SCN3A: variants seen among roughly 807,000 people sequenced by gnomAD.
SCN3A encodes the protein sodium channel protein type 3 subunit alpha.
A neutral mutation model predicts 187.6 loss-of-function variants in SCN3A; 60 were observed. That is an observed-to-expected ratio of 0.32 (90% CI 0.26 to 0.40). The LOEUF is 0.40. Among genes scored for constraint, SCN3A ranks in the 10% least tolerant of loss-of-function variants. The probability of loss-of-function intolerance (pLI) is 1.00; values close to 1 mark genes in which losing one functional copy is unlikely to be tolerated. For missense variants in SCN3A, 1,601 were observed against 2,428.2 expected (o/e 0.66, Z 7.16); for synonymous variants, 788 against 829.2 (o/e 0.95, Z 0.85).
At chr2:165,109,648 A>G (rs1322265486) in intron 21 of SCN3A, among the ~76,000 whole-genome samples, 1 of 152,080 alleles carries the variant, frequency 6.6e-6, no homozygotes, top group Admixed American at 6.6e-5. Flanking sequence ...TTATTAAAAC[A>G]ACCTCCTAAT....
At position 165,130,032 on chromosome 2, in the gene SCN3A, A is replaced by G; in HGVS notation, c.2830T>C (p.Trp944Arg). ...ATACAGTCCCACATGGTCTCTATCC[A>G]CTCTCCACACAGCACGCGGAACACA... ...LIVFRVLCGE[W>R]IETMWDCMEV... is the part of the protein sequence containing the mutation. Residue 944 changes from tryptophan to arginine, a missense_variant, in exon 17 of 28, where the codon TGG becomes CGG. By Grantham distance (101) the Trp-to-Arg change is moderately radical. Around this residue, in one of 11 missense-constraint regions of SCN3A, gnomAD observed 91 missense variants for 207.0 expected, o/e 0.44. Transcript: ENST00000283254. The G allele has an allele frequency of 1.2e-6, 2 of 1,613,982 alleles. No homozygotes were observed. Among genetic ancestry groups the G allele is most frequent in the Non-Finnish European group, 1.7e-6 (2 of 1,179,994 alleles).
intron 1 of SCN3A, among the ~76,000 whole-genome samples, chr2:165,200,989 G>A (rs1001128888): frequency 6.6e-6 from 1 of 152,004 alleles, no homozygotes; most frequent in African/African-American, 2.4e-5. Flanking sequence ...CTGAGATTTA[G>A]GTTCAGTTAT....
At chr2:165,174,180 A>G (rs184365854) in intron 3 of SCN3A, among the ~76,000 whole-genome samples, 63 of 152,290 alleles carry the variant, frequency 4.1e-4, no homozygotes, top group Non-Finnish European at 7.4e-4. Context: ...AAGCCCTAGG[A>G]TTACAGGTGT....
chr2:165,099,915 A>G (rs1039936489), intron 22 of SCN3A, among the ~76,000 whole-genome samples: 4 of 152,194 alleles, frequency 2.6e-5, no homozygotes, highest in Admixed American at 2.6e-4. Flanking sequence ...CCTTTCATTC[A>G]TTGCCAGTAA....
In SCN3A at chr2:165,092,196, G is replaced by T; in HGVS notation, c.4807+58C>A. On this transcript the variant is annotated intron_variant, in intron 27 of 27. Transcript: ENST00000283254. This position sits in a 1 kb window ranked among gnomAD's most constrained non-coding sequence, Gnocchi z 4.2. ...TAATTTCCATGTTAATCAGCTAGAA[G>T]GTCCTGGGGCAACTGTTTCTCTGTA... The T allele has an allele frequency of 1.3e-6, 2 of 1,527,534 alleles. No individual in the cohort carries two copies. Among genetic ancestry groups the T allele is most frequent in the Non-Finnish European group, 1.8e-6 (2 of 1,101,798 alleles). 94.6% of individuals were successfully genotyped at this position (1,527,534 alleles called of 1,614,324 possible).
rs550981628 is a variant in SCN3A, at chr2:165,192,881, A to T, written c.-247-6134T>A. Among the ~76,000 whole-genome samples, 207 of 152,258 alleles carry T rather than the reference A, an allele frequency of 1.4e-3. 1 individual carries two copies. The highest frequency in any genetic ancestry group is 9.5e-3 in the South Asian group (46 of 4,830). ...CAGGGCATTATCAGATATATGGTGG[A>T]TACAATTGCCCAAACAAATCTTGCA... On this transcript the variant is annotated intron_variant, in intron 1 of 27. Coordinates refer to ENST00000283254, the MANE Select transcript of SCN3A (RefSeq NM_006922.4).
chr2:165,164,575 A>G (rs191805867), intron 5 of SCN3A, 55 bp from the exon 6 acceptor site: 1 of 1,588,808 alleles, frequency 6.3e-7, no homozygotes, highest in African/African-American at 1.3e-5. Context: ...GTTAAAATAA[A>G]TGTTTTCAAT....
intron 1 of SCN3A, among the ~76,000 whole-genome samples, chr2:165,194,061 C>T (rs1691780290): frequency 6.6e-6 from 1 of 152,038 alleles, no homozygotes; most frequent in South Asian, 2.1e-4. Flanking sequence ...ATGCAATATA[C>T]TAGAAAAACA....
At chr2:165,188,776 AC>A (rs1365286532) in intron 1 of SCN3A, among the ~76,000 whole-genome samples, 1 of 147,000 alleles carries the variant, frequency 6.8e-6, no homozygotes, top group Non-Finnish European at 1.5e-5. Flanking sequence ...AGCCTGTGTG[AC>A]AGAGCAAGAT....
At chr2:165,181,915 T>C (rs1488257552) in intron 2 of SCN3A, among the ~76,000 whole-genome samples, 2 of 152,200 alleles carry the variant, frequency 1.3e-5, no homozygotes, top group Non-Finnish European at 2.9e-5. Flanking sequence ...TGAATGAAAT[T>C]AATATGTACT....
intron 2 of SCN3A, 27 bp from the exon 3 acceptor site, chr2:165,176,471 A>T: frequency 4.4e-6 from 7 of 1,578,590 alleles, no homozygotes; most frequent in Non-Finnish European, 6.1e-6. Context: ...ATTGCACAAG[A>T]GTTAGGAAAG....
intron 5 of SCN3A, among the ~76,000 whole-genome samples, chr2:165,167,689 T>C (rs1230405334): frequency 6.6e-6 from 1 of 152,128 alleles, no homozygotes; most frequent in Non-Finnish European, 1.5e-5. Context: ...GAAATAATGT[T>C]GTTACGATAA....
chr2:165,196,158 A>C (rs1000163684), intron 1 of SCN3A, among the ~76,000 whole-genome samples: 5 of 151,818 alleles, frequency 3.3e-5, no homozygotes, highest in Admixed American at 1.3e-4. Context: ...TTTTCATTGC[A>C]GACTTCCCAA....
intron 12 of SCN3A, among the ~76,000 whole-genome samples, chr2:165,143,993 C>CAT (rs34534957): frequency 0.19 from 28,179 of 152,078 alleles, 2,677 homozygotes; most frequent in East Asian, 0.31. Context: ...GTACAACTAA[C>CAT]ATTATCTGTT....
At chr2:165,121,055 C>G (rs1550385) in intron 18 of SCN3A, among the ~76,000 whole-genome samples, 32,115 of 150,192 alleles carry the variant, frequency 0.21, 3,445 homozygotes, top group South Asian at 0.3. Context: ...TTCGTCTGAA[C>G]CAGCTTTAAT....
At chr2:165,103,584 T>TA (rs1325497583) in intron 21 of SCN3A, among the ~76,000 whole-genome samples, 1 of 152,162 alleles carries the variant, frequency 6.6e-6, no homozygotes, top group Non-Finnish European at 1.5e-5. Flanking sequence ...ATGTCTGTGA[T>TA]AGAGGTGTCA....
At chr2:165,197,016 G>A (rs188711442) in intron 1 of SCN3A, among the ~76,000 whole-genome samples, 149 of 152,166 alleles carry the variant, frequency 9.8e-4, no homozygotes, top group African/African-American at 3.5e-3. Flanking sequence ...TACATTGTTT[G>A]TATGGTTAGC....
In SCN3A at chr2:165,159,183, C is replaced by T. The variant is rs966422498; in HGVS notation, c.1031+3125G>A. ...CCTTGTTGTTTTAGTTTGCAATTCCCTAATGACAAATGATGTCGAGTGCCT... is the reference window on the plus strand; with the variant it reads ...CCTTGTTGTTTTAGTTTGCAATTCCTTAATGACAAATGATGTCGAGTGCCT... On this transcript the variant is annotated intron_variant, in intron 9 of 27. Transcript: ENST00000283254. Among the ~76,000 whole-genome samples, 4 of 137,890 alleles carry T rather than the reference C, an allele frequency of 2.9e-5. 2 individuals carry two copies. Among genetic ancestry groups the T allele is most frequent in the African/African-American group, 1.2e-4 (4 of 34,008 alleles). 90.5% of individuals were successfully genotyped at this position (137,890 alleles called of 152,430 possible).
rs180990897 is a variant in SCN3A at position 165,131,843 on chromosome 2, C to G, written c.2392-426G>C. Among the ~76,000 whole-genome samples the G allele has an allele frequency of 1.6e-3, 236 of 147,210 alleles. 4 individuals carry two copies. Among genetic ancestry groups the G allele is most frequent in the East Asian group, 8.3e-4 (4 of 4,810 alleles). On this transcript the variant is annotated intron_variant, in intron 15 of 27. Transcript: ENST00000283254. ...TTCAATTCCCACTTATGAGTGAGAA[C>G]ATGTGGTGTTTGGTTTTTTGTCTTT... is the stretch of plus-strand genomic sequence containing the variant.
Sources: gnomAD v4.1 joint callset for allele counts (sites outside exome capture counted in the v4.1 genomes callset) on GRCh38, gnomAD v4.1.1 for gene constraint, gnomAD v4.1.1 regional missense constraint, Gnocchi (gnomAD v3.1) non-coding constraint, MANE v1.5 for transcripts, NCBI Gene and HGNC (gene_info 2026-07-23, HGNC 2026-07-21) for gene names.